Variants in NIPBL observed in about 807,000 individuals in gnomAD.
The protein encoded by NIPBL is nipped-B-like protein.
A neutral mutation model predicts 321.8 loss-of-function variants in NIPBL; 19 were observed. The observed-to-expected ratio is 0.06, with a 90% CI of 0.04 to 0.09. The LOEUF (loss-of-function observed/expected upper bound fraction) is 0.09, where lower values mean the gene tolerates loss of function less well. NIPBL is among the 10% of genes least tolerant of loss of function. The pLI is 1.00. For synonymous variants in NIPBL, 1,106 were observed against 1,114.1 expected (o/e 0.99, Z 0.14); for missense variants, 2,210 against 3,327.0 (o/e 0.66, Z 8.26).
In NIPBL at chr5:36,927,837, A is replaced by G. The variant is rs186738729; in HGVS notation, c.-79-25781A>G. 2.7e-3 allele frequency among the ~76,000 whole-genome samples: 416 copies of G among 152,222 alleles called. 1 individual carries two copies. Among genetic ancestry groups the G allele is most frequent in the African/African-American group, 8.5e-3 (353 of 41,536 alleles). ...ATATAGTGTTTAAAATCCTTGAGAC[A>G]TGGAAATCACCAAGGGAGAATAAAG... On this transcript the variant is annotated intron_variant, in intron 1 of 46. Transcript: ENST00000282516.
At chr5:36,960,000 G>C (rs1323524891) in intron 4 of NIPBL, among the ~76,000 whole-genome samples, 1 of 151,994 alleles carries the variant, frequency 6.6e-6, no homozygotes. Context: ...GGGAGGCCAA[G>C]GTAGGAGGAT....
intron 1 of NIPBL, among the ~76,000 whole-genome samples, chr5:36,950,285 T>C (rs541268190): frequency 1.3e-5 from 2 of 152,198 alleles, no homozygotes; most frequent in East Asian, 1.9e-4. Context: ...AAAAGACTCC[T>C]GTTCTTCATC....
chr5:36,971,047 T>C lies in NIPBL; in HGVS notation c.771+11T>C, dbSNP rs772987689. 3 of 1,605,438 alleles carry C rather than the reference T, an allele frequency of 1.9e-6. No individual in the cohort carries two copies. The highest frequency in any genetic ancestry group is 1.3e-5 in the African/African-American group (1 of 74,870). ...AGGCTAAGTAGTGACGTATGTAATA[T>C]ATTATCATTAAGGTGATAAAATAGT... On this transcript the variant is annotated intron_variant, in intron 7 of 46. Coordinates refer to ENST00000282516, the MANE Select transcript of NIPBL (RefSeq NM_133433.4).
chr5:37,020,817 T>A lies in NIPBL; in HGVS notation c.5268T>A (p.Ile1756=), dbSNP rs1287880739. 1 of 1,614,188 alleles carries A rather than the reference T, an allele frequency of 6.2e-7. No individual in the cohort carries two copies. ...DTVDYDDACL[I]VRYLASMRPF... is the part of the protein sequence containing the mutation. Reference sequence around the variant, plus strand: ...TGGACTATGATGATGCTTGCTTGATTGTTCGATACTTGGCCTCCATGAGGC... The same window carrying A: ...TGGACTATGATGATGCTTGCTTGATAGTTCGATACTTGGCCTCCATGAGGC... The change falls in exon 27 of 47, where the codon ATT becomes ATA. Residue 1756 remains isoleucine, a synonymous_variant. Transcript: ENST00000282516.
chr5:36,877,668 C>A (rs114972986), intron 1 of NIPBL, among the ~76,000 whole-genome samples: 144 of 152,358 alleles, frequency 9.5e-4, no homozygotes, highest in African/African-American at 3.4e-3. Flanking sequence ...CCTTCTTCCC[C>A]CTGTGACCCC....
At chr5:36,962,422 C>A in intron 6 of NIPBL, 148 bp downstream of exon 6, 2 of 865,700 alleles carry the variant, frequency 2.3e-6, no homozygotes, top group South Asian at 1.5e-5. Context: ...TGGCTTAAAT[C>A]ATTAAAACAA....
At chr5:36,978,395 C>G (rs1230618848) in intron 9 of NIPBL, among the ~76,000 whole-genome samples, 1 of 151,922 alleles carries the variant, frequency 6.6e-6, no homozygotes, top group Non-Finnish European at 1.5e-5. Context: ...TGTACATCTT[C>G]TTTTGAGAAG....
At chr5:37,008,764 C>T (rs1227215603) in intron 20 of NIPBL, 41 bp downstream of exon 20, 1 of 961,678 alleles carries the variant, frequency 1.0e-6, no homozygotes, top group South Asian at 1.3e-5. Flanking sequence ...TGAAGAACCA[C>T]CATTATATTG....
At chr5:36,911,819 T>C (rs1418639862) in intron 1 of NIPBL, among the ~76,000 whole-genome samples, 1 of 152,180 alleles carries the variant, frequency 6.6e-6, no homozygotes, top group Non-Finnish European at 1.5e-5. Context: ...AAAGCTGATA[T>C]CCAATAACTG....
Position 36,976,407 on chromosome 5 carries a change from A to C in NIPBL, c.1495+5A>C. The C allele has an allele frequency of 6.3e-7, 1 of 1,593,582 alleles. No homozygotes were observed. On this transcript the variant is annotated splice_donor_5th_base_variant and intron_variant, in intron 9 of 46. Transcript: ENST00000282516. Reference sequence around the variant, plus strand: ...CAAAAGAAGTTCAAGATAAAGGTAAAATAATCTCATTATTACCACTTCATC... The same window carrying C: ...CAAAAGAAGTTCAAGATAAAGGTAACATAATCTCATTATTACCACTTCATC...
chr5:36,892,212 G>A (rs994886842), intron 1 of NIPBL, among the ~76,000 whole-genome samples: 3 of 152,202 alleles, frequency 2.0e-5, no homozygotes, highest in Non-Finnish European at 4.4e-5. Flanking sequence ...GGCCATCAGA[G>A]AAATGCAAAT....
At chr5:36,878,572 GT>G (rs1745271242) in intron 1 of NIPBL, among the ~76,000 whole-genome samples, 1 of 152,132 alleles carries the variant, frequency 6.6e-6, no homozygotes, top group South Asian at 2.1e-4. Context: ...GAAATCCCTT[GT>G]TTTACTAGTG....
intron 36 of NIPBL, 58 bp from the exon 37 acceptor site, chr5:37,045,385 C>G: frequency 7.4e-7 from 1 of 1,343,800 alleles, no homozygotes; most frequent in Non-Finnish European, 1.0e-6. Flanking sequence ...GTAGTAATTA[C>G]TTGAACTTAG....
intron 38 of NIPBL, among the ~76,000 whole-genome samples, chr5:37,047,840 A>G (rs955073266): frequency 2.0e-5 from 3 of 152,212 alleles, no homozygotes; most frequent in African/African-American, 7.2e-5. Flanking sequence ...AACATTATAT[A>G]CAAATAAACA....
At chr5:37,024,439 C>A in intron 29 of NIPBL, 146 bp from the exon 30 acceptor site, 1 of 580,666 alleles carries the variant, frequency 1.7e-6, no homozygotes, top group Non-Finnish European at 3.1e-6. Context: ...TTTATAGTAG[C>A]AGAAAGCATG....
At chr5:36,987,470 G>A (rs1744954560) in intron 10 of NIPBL, among the ~76,000 whole-genome samples, 1 of 152,164 alleles carries the variant, frequency 6.6e-6, no homozygotes, top group African/African-American at 2.4e-5. Context: ...GCACTGCAGT[G>A]TATTAGGAGA....
intron 10 of NIPBL, 170 bp from the exon 11 acceptor site, chr5:36,995,452 T>C: frequency 1.7e-6 from 1 of 584,208 alleles, no homozygotes; most frequent in Non-Finnish European, 3.0e-6. Flanking sequence ...CATACATATA[T>C]ATTAACTATA....
chr5:37,025,021 C>CA (rs1750097931), intron 30 of NIPBL, among the ~76,000 whole-genome samples: 1 of 152,080 alleles, frequency 6.6e-6, no homozygotes, highest in South Asian at 2.1e-4. Context: ...GGCTTGAGGC[C>CA]AGGAGTTGGA....
At chr5:36,909,766 G>A (rs921153399) in intron 1 of NIPBL, among the ~76,000 whole-genome samples, 5 of 152,066 alleles carry the variant, frequency 3.3e-5, no homozygotes, top group African/African-American at 4.8e-5. Context: ...TTTTAACAAT[G>A]TATTATTAAA....
Sources: gnomAD v4.1 joint callset for allele counts (sites outside exome capture counted in the v4.1 genomes callset) on GRCh38, gnomAD v4.1.1 for gene constraint, MANE v1.5 for transcripts, NCBI Gene and HGNC (gene_info 2026-07-23, HGNC 2026-07-21) for gene names.